TF: variants seen among roughly 807,000 people sequenced by gnomAD.
The protein encoded by TF is serotransferrin.
TF carries 55 observed loss-of-function variants against 82.4 expected under a neutral mutation model. The ratio of observed to expected loss-of-function variants is 0.67; its 90% CI spans 0.54 to 0.84. TF has a LOEUF of 0.84. Ranked by LOEUF, TF falls within the 40% of genes least tolerant of loss-of-function variation. TF has a pLI of 0.00. For missense variants in TF, 737 were observed against 868.4 expected (o/e 0.85, Z 1.90); for synonymous variants, 332 against 332.6 (o/e 1.00, Z 0.02).
intron 1 of TF, 66 bp downstream of exon 1, chr3:133,746,549 C>G: frequency 6.5e-7 from 1 of 1,527,990 alleles, no homozygotes; most frequent in Non-Finnish European, 8.8e-7. Context: ...ACCCGGGCGG[C>G]CACCGCGCAG....
the TF span, among the ~76,000 whole-genome samples, chr3:133,686,608 T>A: frequency 6.6e-6 from 1 of 152,218 alleles, no homozygotes; most frequent in East Asian, 1.9e-4. Context: ...ATGCTTGTCA[T>A]CACTGGCCAT....
At chr3:133,759,440 G>A in intron 9 of TF, 111 bp downstream of exon 9, 8 of 1,398,070 alleles carry the variant, frequency 5.7e-6, no homozygotes, top group Middle Eastern at 2.0e-4. Context: ...TGGCTCCCAG[G>A]AACCTTGCCC....
At chr3:133,696,495 G>T in the TF span, among the ~76,000 whole-genome samples, 1 of 152,112 alleles carries the variant, frequency 6.6e-6, no homozygotes, top group East Asian at 1.9e-4. Context: ...TGCTGTATTT[G>T]TTCTTTCTTT....
intron 9 of TF, 146 bp downstream of exon 9, chr3:133,759,475 G>T (rs1012335986): frequency 1.0e-6 from 1 of 979,556 alleles, no homozygotes; most frequent in Admixed American, 1.9e-5. Context: ...CAGCCCCACC[G>T]GAGGTTCAGA....
chr3:133,695,416 T>G, the TF span, among the ~76,000 whole-genome samples: 3 of 151,974 alleles, frequency 2.0e-5, no homozygotes, highest in African/African-American at 7.3e-5. Flanking sequence ...CCCAGCTAAT[T>G]TTTGTATTTT....
At chr3:133,723,720 A>G in the TF span, among the ~76,000 whole-genome samples, 1 of 150,134 alleles carries the variant, frequency 6.7e-6, no homozygotes, top group African/African-American at 2.5e-5. Flanking sequence ...GGTTAGTTAC[A>G]TATGTATACA....
chr3:133,728,448 G>A, the TF span, among the ~76,000 whole-genome samples: 1 of 151,862 alleles, frequency 6.6e-6, no homozygotes, highest in Non-Finnish European at 1.5e-5. Flanking sequence ...CATTGCATCA[G>A]CTCCTGAGGC....
the TF span, among the ~76,000 whole-genome samples, chr3:133,675,111 G>C: frequency 2.0e-5 from 3 of 151,816 alleles, no homozygotes; most frequent in African/African-American, 7.3e-5. Flanking sequence ...CGGGTGTGGT[G>C]GCGGGAGACT....
chr3:133,731,833 C>T, the TF span, among the ~76,000 whole-genome samples: 15 of 152,198 alleles, frequency 9.9e-5, no homozygotes, highest in Non-Finnish European at 1.9e-4. Context: ...CATCCAAACC[C>T]AAGAGTCTTT....
intron 4 of TF, among the ~76,000 whole-genome samples, 200 bp from the exon 5 acceptor site, chr3:133,755,163 T>C (rs1167908702): frequency 6.6e-6 from 1 of 152,244 alleles, no homozygotes; most frequent in Non-Finnish European, 1.5e-5. Flanking sequence ...TTTCCTCTGA[T>C]GGATGGTGGC....
At chr3:133,736,631 C>CAAAAAAAAAAAAAAAAAAAAAAAAAA in the TF span, among the ~76,000 whole-genome samples, 4 of 32,552 alleles carry the variant, frequency 1.2e-4, no homozygotes, top group Admixed American at 9.3e-4. Context: ...AATGGAAAGC[C>CAAAAAAAAAAAAAAAAAAAAAAAAAA]AAAAAAAAAA....
chr3:133,738,313 C>T, the TF span, among the ~76,000 whole-genome samples: 1 of 152,286 alleles, frequency 6.6e-6, no homozygotes, highest in African/African-American at 2.4e-5. Flanking sequence ...GAACATATCT[C>T]AAAATAATAA....
rs8177334 is a variant in TF at position 133,773,913 on chromosome 3, GC to G, written c.1688-1515del. On this transcript the variant is annotated intron_variant, in intron 14 of 16. Coordinates refer to ENST00000402696, the MANE Select transcript of TF (RefSeq NM_001063.4). ...CCTTAGAAACACCAGGCACACACCT[GC>G]CCCCAGTCTCGCCTGCACTCTCCTT... 1,059 of 152,378 alleles carry G rather than the reference GC, an allele frequency of 6.9e-3. 9 individuals are homozygous for G. The highest frequency in any genetic ancestry group is 0.011 in the Non-Finnish European group (733 of 68,186). The allele number at this position is 152,378 out of a possible 1,614,324, so 9.4% of individuals were successfully genotyped here.
intron 9 of TF, among the ~76,000 whole-genome samples, chr3:133,763,473 T>C (rs1001759025): frequency 6.6e-6 from 1 of 152,254 alleles, no homozygotes; most frequent in Non-Finnish European, 1.5e-5. Flanking sequence ...TCTCTGTCAT[T>C]GAGCATTTAG....
chr3:133,733,133 C>G, the TF span, among the ~76,000 whole-genome samples: 3 of 152,224 alleles, frequency 2.0e-5, no homozygotes, highest in Non-Finnish European at 4.4e-5. Flanking sequence ...GCCCATTCAT[C>G]TATCAGAATT....
At position 133,778,914 on chromosome 3, in the gene TF, T is replaced by C. The variant is rs540361135; in HGVS notation, c.*294T>C. The C allele has an allele frequency of 6.0e-5, 22 of 368,052 alleles. No individual in the cohort carries two copies. Among genetic ancestry groups the C allele is most frequent in the African/African-American group, 4.2e-4 (20 of 47,590 alleles). 22.8% of individuals were successfully genotyped at this position (368,052 alleles called of 1,614,324 possible). A position where few individuals can be genotyped will look rare whatever the true frequency, so the allele number is the denominator to read the frequency against. On this transcript the variant is annotated 3_prime_UTR_variant, in exon 17 of 17. Coordinates refer to ENST00000402696, the MANE Select transcript of TF (RefSeq NM_001063.4). ...ATTCGTCTGGTCTTTCCCTACAGCT[T>C]TGTGTGTGCCATGGCCACATCTCCT...
intron 5 of TF, chr3:133,755,829 G>A (rs1041799964): frequency 1.7e-5 from 8 of 464,090 alleles, no homozygotes; most frequent in African/African-American, 9.8e-5. Flanking sequence ...TCCAGGGACT[G>A]GCCCTCTTCC....
At chr3:133,741,883 T>C (rs892662311), upstream of TF, among the ~76,000 whole-genome samples, 1 of 152,268 alleles carries the variant, frequency 6.6e-6, no homozygotes, top group African/African-American at 2.4e-5. Flanking sequence ...TTTGTCATGA[T>C]GTCTTTGTTA....
the TF span, among the ~76,000 whole-genome samples, chr3:133,693,063 C>T: frequency 6.6e-6 from 1 of 152,202 alleles, no homozygotes; most frequent in African/African-American, 2.4e-5. Flanking sequence ...GTGAGGGTAA[C>T]CTGCTTTAAA....
Sources: allele counts gnomAD v4.1 joint callset (sites outside exome capture counted in the v4.1 genomes callset), GRCh38; gene constraint gnomAD v4.1.1; transcripts MANE v1.5; gene names NCBI Gene and HGNC (gene_info 2026-07-23, HGNC 2026-07-21).